MYO18B: variants seen among roughly 807,000 people sequenced by gnomAD.
MYO18B encodes the protein myosin XVIIIB.
In MYO18B, 204 loss-of-function variants were observed where a neutral mutation model predicts 273.0. That is an observed-to-expected ratio of 0.75 (90% CI 0.67 to 0.84). MYO18B has a LOEUF of 0.84. Ranked by LOEUF, MYO18B falls within the 40% of genes least tolerant of loss-of-function variation. The pLI is 0.00. For synonymous variants in MYO18B, 1,330 were observed against 1,305.7 expected, an observed-to-expected ratio of 1.02 and a Z score of -0.40; for missense variants, 3,212 against 3,287.6, an observed-to-expected ratio of 0.98 and a Z score of 0.56.
chr22:25,908,478 C>T (rs1207137378), intron 32 of MYO18B, 46 bp downstream of exon 32: 1 of 1,489,504 alleles, frequency 6.7e-7, no homozygotes, highest in Admixed American at 2.0e-5. Context: ...CCTGGCAGGT[C>T]TGGCATGGAT....
At chr22:25,988,969 A>G (rs573977968) in intron 39 of MYO18B, among the ~76,000 whole-genome samples, 9 of 152,090 alleles carry the variant, frequency 5.9e-5, no homozygotes, top group Non-Finnish European at 1.2e-4. Flanking sequence ...GATTTGACTC[A>G]TTTTAGACTC....
At chr22:25,897,010 A>C (rs561213806) in intron 28 of MYO18B, 1 of 151,970 alleles carries the variant, frequency 6.6e-6, no homozygotes, top group Non-Finnish European at 1.5e-5. Flanking sequence ...GGGACTTTGC[A>C]TGTGCTATTT....
At chr22:25,783,509 C>T (rs1346053604) in intron 10 of MYO18B, among the ~76,000 whole-genome samples, 5 of 148,200 alleles carry the variant, frequency 3.4e-5, no homozygotes, top group African/African-American at 1.3e-4. Flanking sequence ...CAGACACACA[C>T]ATCACCCTTG....
intron 25 of MYO18B, among the ~76,000 whole-genome samples, chr22:25,890,357 G>A (rs180965592): frequency 2.6e-5 from 4 of 152,352 alleles, no homozygotes; most frequent in Admixed American, 2.6e-4. Flanking sequence ...TACATCCAGT[G>A]AGATGATTTG....
At position 25,785,427 on chromosome 22, in the gene MYO18B, G is replaced by T. The variant is rs1490590779; in HGVS notation, c.2313-1G>T. On this transcript the variant is annotated splice_acceptor_variant, in intron 10 of 43. Coordinates refer to ENST00000335473, the MANE Select transcript of MYO18B (RefSeq NM_032608.7). LOFTEE classifies it high-confidence loss of function. ...ACTCCTGGTTCCTTCTGTGCTTCCA[G>T]GACGGAGCTGAACCTGCACCAGATG... 1.2e-6 allele frequency: 2 copies of T among 1,607,416 alleles called. No homozygotes were observed. The highest frequency in any genetic ancestry group is 2.2e-5 in the South Asian group (2 of 89,292).
chr22:25,746,694 G>A (rs914131255), intron 1 of MYO18B, among the ~76,000 whole-genome samples: 15 of 152,188 alleles, frequency 9.9e-5, no homozygotes, highest in African/African-American at 3.6e-4. Flanking sequence ...CATGAACCAC[G>A]TGGCTCATAC....
chr22:25,864,169 CAG>C (rs1466122332), intron 21 of MYO18B, among the ~76,000 whole-genome samples: 1 of 152,112 alleles, frequency 6.6e-6, no homozygotes, highest in Admixed American at 6.6e-5. Flanking sequence ...GAGAGAGAGA[CAG>C]AGCTGGGGTG....
At chr22:25,953,413 A>G (rs928170552) in intron 38 of MYO18B, 4 of 152,106 alleles carry the variant, frequency 2.6e-5, no homozygotes, top group African/African-American at 7.2e-5. Context: ...ACAGGTTCCA[A>G]TTTCTCTGCA....
chr22:25,907,097 G>A (rs2092059912), intron 31 of MYO18B, among the ~76,000 whole-genome samples: 1 of 152,222 alleles, frequency 6.6e-6, no homozygotes, highest in African/African-American at 2.4e-5. Flanking sequence ...GTACCCTGGG[G>A]ATTCTAATCC....
chr22:25,997,349 A>G (rs1269994947), intron 40 of MYO18B, among the ~76,000 whole-genome samples: 10 of 147,904 alleles, frequency 6.8e-5, no homozygotes, highest in Admixed American at 3.3e-4. Flanking sequence ...AAAAGAAAGT[A>G]TGGGTCTCCT....
At chr22:26,009,759 C>G (rs886221652) in intron 42 of MYO18B, among the ~76,000 whole-genome samples, 2 of 152,170 alleles carry the variant, frequency 1.3e-5, no homozygotes, top group African/African-American at 4.8e-5. Flanking sequence ...ACCTTATCTC[C>G]AAATGCCAGG....
chr22:25,793,194 C>T (rs573871221), intron 11 of MYO18B, among the ~76,000 whole-genome samples: 2 of 152,182 alleles, frequency 1.3e-5, no homozygotes, highest in African/African-American at 4.8e-5. Flanking sequence ...ATTTAGTCCT[C>T]ATAGCAGCCC....
At chr22:25,904,720 T>G (rs1462015723) in intron 31 of MYO18B, among the ~76,000 whole-genome samples, 1 of 152,162 alleles carries the variant, frequency 6.6e-6, no homozygotes, top group Non-Finnish European at 1.5e-5. Flanking sequence ...ATAAATAATT[T>G]GAGGCAGCTT....
intron 39 of MYO18B, among the ~76,000 whole-genome samples, chr22:25,989,061 C>T (rs9613066): frequency 0.47 from 71,904 of 152,060 alleles, 18,397 homozygotes; most frequent in Non-Finnish European, 0.59. Flanking sequence ...TCTCTCTCCT[C>T]TACCCTCCAG....
chr22:25,903,536 G>A (rs924401070), intron 30 of MYO18B, 95 bp from the exon 31 acceptor site: 15 of 1,303,388 alleles, frequency 1.2e-5, no homozygotes, highest in South Asian at 1.5e-5. Context: ...AGTGGAAAAC[G>A]CCACTCCAGC....
chr22:25,982,151 C>G (rs546825450), intron 39 of MYO18B, among the ~76,000 whole-genome samples: 1 of 152,304 alleles, frequency 6.6e-6, no homozygotes, highest in South Asian at 2.1e-4. Context: ...GATCCAATCA[C>G]CTCCCACCAG....
chr22:26,032,740 C>T (rs148228818), downstream of MYO18B, among the ~76,000 whole-genome samples: 644 of 152,138 alleles, frequency 4.2e-3, 1 homozygote, highest in African/African-American at 0.014. Flanking sequence ...TCAGGCTGGT[C>T]TTGAACTCCC....
chr22:25,815,584 A>T (rs2088964288), intron 12 of MYO18B, among the ~76,000 whole-genome samples: 1 of 152,152 alleles, frequency 6.6e-6, no homozygotes, highest in Non-Finnish European at 1.5e-5. Flanking sequence ...CCAGGTTGAA[A>T]TTATCTTTGG....
chr22:26,010,815 G>A (rs1169754545), intron 42 of MYO18B, among the ~76,000 whole-genome samples: 1 of 152,064 alleles, frequency 6.6e-6, no homozygotes, highest in Non-Finnish European at 1.5e-5. Context: ...AAAACCATGA[G>A]CACAACAGAA....
Sources: gnomAD v4.1 joint callset for allele counts (sites outside exome capture counted in the v4.1 genomes callset) on GRCh38, gnomAD v4.1.1 for gene constraint, MANE v1.5 for transcripts, NCBI Gene and HGNC (gene_info 2026-07-23, HGNC 2026-07-21) for gene names.